The following ACTR3C variants were observed in gnomAD, a reference collection of about 807,000 sequenced individuals.
The protein encoded by ACTR3C is actin-related protein 3C.
A neutral mutation model predicts 26.3 loss-of-function variants in ACTR3C; 18 were observed. The observed-to-expected ratio is 0.68, with a 90% confidence interval of 0.47 to 1.01. ACTR3C has a LOEUF of 1.01. Ranked by LOEUF, ACTR3C falls within the 50% of genes least tolerant of loss-of-function variation. The pLI is 0.00. For missense variants in ACTR3C, 184 were observed against 250.7 expected (o/e 0.73, Z 1.80); for synonymous variants, 55 against 94.5 (o/e 0.58, Z 2.42).
chr7:150,118,647 T>G, the ACTR3C span, among the ~76,000 whole-genome samples: 1 of 144,100 alleles, frequency 6.9e-6, no homozygotes, highest in Non-Finnish European at 1.5e-5. Context: ...TGGAACCAAG[T>G]TGGAAAACAC....
chr7:150,245,731 C>T (rs761748419), downstream of ACTR3C: 2 of 152,172 alleles, frequency 1.3e-5, no homozygotes, highest in African/African-American at 2.4e-5. Flanking sequence ...CTACCTTAGC[C>T]GGTGTGTTGA....
At chr7:149,941,365 A>T in the ACTR3C span, among the ~76,000 whole-genome samples, 1 of 152,214 alleles carries the variant, frequency 6.6e-6, no homozygotes, top group Non-Finnish European at 1.5e-5. Context: ...TCAAGTGCTT[A>T]TGGCTTCTAT....
chr7:150,039,214 G>A, the ACTR3C span, among the ~76,000 whole-genome samples: 21 of 148,398 alleles, frequency 1.4e-4, 1 homozygote, highest in African/African-American at 4.8e-4. Flanking sequence ...CCTCTGCGAT[G>A]GGGGTCCTAA....
the ACTR3C span, among the ~76,000 whole-genome samples, chr7:149,965,963 G>C: frequency 1.3e-5 from 2 of 152,134 alleles, no homozygotes; most frequent in Non-Finnish European, 2.9e-5. Flanking sequence ...CTTCTGAACC[G>C]GCCACTGACG....
the ACTR3C span, among the ~76,000 whole-genome samples, chr7:150,022,407 C>G: frequency 6.6e-6 from 1 of 151,300 alleles, no homozygotes; most frequent in East Asian, 1.9e-4. Context: ...TATTTTCTCC[C>G]GCTTTGACAA....
chr7:150,313,776 A>G (rs1796543840), intron 1 of ACTR3C, among the ~76,000 whole-genome samples: 1 of 152,150 alleles, frequency 6.6e-6, no homozygotes, highest in Admixed American at 6.5e-5. Flanking sequence ...TGTGTTATGG[A>G]TACACACATA....
chr7:150,037,069 G>T, the ACTR3C span, among the ~76,000 whole-genome samples: 1,304 of 82,316 alleles, frequency 0.016, 21 homozygotes, highest in Non-Finnish European at 0.02. Context: ...CCTCGCGGGG[G>T]GTGCCTCCCC....
chr7:149,918,125 T>G, the ACTR3C span, among the ~76,000 whole-genome samples: 4 of 152,042 alleles, frequency 2.6e-5, no homozygotes, highest in Non-Finnish European at 5.9e-5. Flanking sequence ...CCAGATCCAG[T>G]ATCTTTGCCC....
chr7:149,946,167 G>C, the ACTR3C span, among the ~76,000 whole-genome samples: 10 of 152,220 alleles, frequency 6.6e-5, no homozygotes, highest in African/African-American at 2.4e-4. Context: ...CCTGGCCTGG[G>C]CCAGCGCTCC....
Position 150,274,902 on chromosome 7 carries a change from T to G in ACTR3C, c.564+9851A>C, listed in dbSNP as rs756204428. Reference sequence around the variant, plus strand: ...AAATCAGCAGATCTCCTGGATGACGTTCTGGCGGTCAGCAGTCTTCTGGAC... The same window carrying G: ...AAATCAGCAGATCTCCTGGATGACGGTCTGGCGGTCAGCAGTCTTCTGGAC... On this transcript the variant is annotated intron_variant, in intron 6 of 7. Coordinates refer to ENST00000683684, the MANE Select transcript of ACTR3C (RefSeq NM_001164458.2). This position sits in a 1 kb window ranked among gnomAD's most constrained non-coding sequence, Gnocchi z 4.1. Among the ~76,000 whole-genome samples, 69 of 152,242 alleles carry G rather than the reference T, an allele frequency of 4.5e-4. No individual in the cohort carries two copies. The highest frequency in any genetic ancestry group is 9.0e-4 in the Non-Finnish European group (61 of 68,042).
At chr7:150,058,885 C>T in the ACTR3C span, among the ~76,000 whole-genome samples, 1 of 152,130 alleles carries the variant, frequency 6.6e-6, no homozygotes, top group Non-Finnish European at 1.5e-5. Flanking sequence ...ACTCACTGCA[C>T]TCCAGCCTGG....
the ACTR3C span, among the ~76,000 whole-genome samples, chr7:150,110,735 G>A: frequency 6.9e-6 from 1 of 145,968 alleles, no homozygotes; most frequent in Admixed American, 6.8e-5. Context: ...GCTTAGAAGG[G>A]CCAGAGCCAG....
At chr7:150,035,701 G>A in the ACTR3C span, among the ~76,000 whole-genome samples, 1 of 128,690 alleles carries the variant, frequency 7.8e-6, no homozygotes, top group African/African-American at 2.9e-5. Context: ...AGCGATGGGG[G>A]TCCTAAGCCA....
the ACTR3C span, among the ~76,000 whole-genome samples, chr7:150,167,542 C>CT: frequency 1.3e-5 from 2 of 150,900 alleles, no homozygotes; most frequent in South Asian, 4.2e-4. Flanking sequence ...AAGAAAATAT[C>CT]TTTTTTAGAG....
the ACTR3C span, among the ~76,000 whole-genome samples, chr7:150,046,814 G>C: frequency 4.2e-5 from 6 of 143,734 alleles, no homozygotes; most frequent in Non-Finnish European, 6.0e-5. Flanking sequence ...TTGGTTACTA[G>C]GGCGATGTGC....
At chr7:150,104,713 C>G in the ACTR3C span, among the ~76,000 whole-genome samples, 4 of 152,024 alleles carry the variant, frequency 2.6e-5, no homozygotes, top group African/African-American at 9.7e-5. Context: ...GATACCAAAA[C>G]CTCCACGTTT....
chr7:149,912,425 C>A, the ACTR3C span, among the ~76,000 whole-genome samples: 1 of 151,486 alleles, frequency 6.6e-6, no homozygotes, highest in Non-Finnish European at 1.5e-5. Flanking sequence ...GTCAAAGTCA[C>A]ACGGGTACCT....
chr7:150,024,145 C>T, the ACTR3C span, among the ~76,000 whole-genome samples: 4 of 150,838 alleles, frequency 2.7e-5, no homozygotes, highest in African/African-American at 7.3e-5. Context: ...AGAGAGGCCG[C>T]CCAGGGCACG....
At chr7:150,277,980 C>T (rs900926803) in intron 6 of ACTR3C, among the ~76,000 whole-genome samples, 2 of 152,182 alleles carry the variant, frequency 1.3e-5, no homozygotes, top group African/African-American at 4.8e-5. Context: ...GGTGGATATG[C>T]CTGTCTTTCC....
Sources: gnomAD v4.1 joint callset for allele counts (sites outside exome capture counted in the v4.1 genomes callset) on GRCh38, gnomAD v4.1.1 for gene constraint, Gnocchi (gnomAD v3.1) non-coding constraint, MANE v1.5 for transcripts, NCBI Gene and HGNC (gene_info 2026-07-23, HGNC 2026-07-21) for gene names.